CEP192: variants seen among roughly 807,000 people sequenced by gnomAD.
CEP192 encodes the protein centrosomal protein 192, also known as centrosomal protein of 192 kDa.
A neutral mutation model predicts 271.8 loss-of-function variants in CEP192; 151 were observed. The observed-to-expected ratio is 0.56, with a 90% CI of 0.49 to 0.64. The LOEUF is 0.64. CEP192 is among the 30% of genes least tolerant of loss of function. The probability of loss-of-function intolerance (pLI) is 0.00; values close to 1 mark genes in which losing one functional copy is unlikely to be tolerated. For synonymous variants in CEP192, 995 were observed against 1,076.5 expected (o/e 0.92, Z 1.48); for missense variants, 2,910 against 3,020.5 (o/e 0.96, Z 0.86).
intron 15 of CEP192, among the ~76,000 whole-genome samples, chr18:13,044,243 A>G (rs1652610702): frequency 6.6e-6 from 1 of 152,150 alleles, no homozygotes; most frequent in Admixed American, 6.5e-5. Flanking sequence ...TAGTTTTGTC[A>G]TCTGAGAATA....
Position 12,999,535 on chromosome 18 carries a change from C to G in CEP192, c.111C>G (p.Gly37=). The change falls in exon 2 of 45, where the codon GGC becomes GGG. Residue 37 remains glycine, a synonymous_variant. Coordinates refer to ENST00000506447, the MANE Select transcript of CEP192 (RefSeq NM_032142.4). ...ATGTCACTCTTTCTTCAAATCTTGG[C>G]TTGCCTGTTGCTGTTTCTACACTTG... ...LENVTLSSNL[G]LPVAVSTLAR... The G allele has an allele frequency of 3.2e-6, 5 of 1,550,924 alleles. No individual in the cohort carries two copies. Among genetic ancestry groups the G allele is most frequent in the Non-Finnish European group, 4.4e-6 (5 of 1,146,740 alleles).
intron 15 of CEP192, among the ~76,000 whole-genome samples, chr18:13,042,543 T>A (rs1003708815): frequency 3.9e-5 from 6 of 152,224 alleles, no homozygotes; most frequent in Non-Finnish European, 8.8e-5. Context: ...AACAGATTTG[T>A]AGTCAATGAA....
chr18:13,110,992 G>A (rs562345275), intron 40 of CEP192, among the ~76,000 whole-genome samples: 2 of 152,162 alleles, frequency 1.3e-5, no homozygotes, highest in Non-Finnish European at 2.9e-5. Context: ...ATTAGGGTGG[G>A]CCTTCCTCTC....
chr18:13,087,873 G>C (rs1197249022), intron 32 of CEP192, among the ~76,000 whole-genome samples: 1 of 152,106 alleles, frequency 6.6e-6, no homozygotes. Flanking sequence ...TTCTTTTCTA[G>C]GTGAATGTAT....
chr18:13,026,803 T>C (rs931153561), intron 9 of CEP192, among the ~76,000 whole-genome samples: 5 of 152,230 alleles, frequency 3.3e-5, no homozygotes, highest in African/African-American at 9.6e-5. Flanking sequence ...GCTGTATCCA[T>C]TAGAGCCCTT....
intron 30 of CEP192, among the ~76,000 whole-genome samples, chr18:13,074,153 G>A (rs2038153435): frequency 6.6e-6 from 1 of 152,048 alleles, no homozygotes; most frequent in Non-Finnish European, 1.5e-5. Context: ...CTATATCCTA[G>A]TGTTAAAGAG....
In CEP192 at chr18:13,042,095, CAA is replaced by C. The variant is rs1722241180; in HGVS notation, c.1937-107_1937-106del. On this transcript the variant is annotated intron_variant, in intron 14 of 44. Coordinates refer to ENST00000506447, the MANE Select transcript of CEP192 (RefSeq NM_032142.4). ...GTGAAGGCAACTGACATTTGGGGTA[CAA>C]AGACATCTTCCTTGGTAAATTAGTC... 9.7e-6 allele frequency: 8 copies of C among 828,922 alleles called. No individual in the cohort carries two copies. In the South Asian group the frequency reaches 1.4e-4, roughly 14 times the overall value. 51.3% of individuals were successfully genotyped at this position (828,922 alleles called of 1,614,324 possible). A position where few individuals can be genotyped will look rare whatever the true frequency, so the allele number is the denominator to read the frequency against.
intron 28 of CEP192, 108 bp from the exon 29 acceptor site, chr18:13,072,647 A>G (rs1175486888): frequency 2.7e-6 from 2 of 732,332 alleles, no homozygotes; most frequent in Non-Finnish European, 4.8e-6. Context: ...TGGCTTGTAT[A>G]GTTAGTCCAT....
intron 30 of CEP192, among the ~76,000 whole-genome samples, chr18:13,080,702 C>T (rs1021093813): frequency 2.6e-5 from 4 of 152,216 alleles, no homozygotes; most frequent in African/African-American, 9.6e-5. Flanking sequence ...GAGAGGGCAT[C>T]CCTGTCTTGT....
At chr18:13,019,392 G>T (rs182182159) in intron 9 of CEP192, among the ~76,000 whole-genome samples, 186 bp downstream of exon 9, 6 of 152,070 alleles carry the variant, frequency 3.9e-5, no homozygotes, top group Admixed American at 3.9e-4. Context: ...ACATTTTCTT[G>T]CATTTAAATA....
chr18:13,032,276 G>A (rs2035673447), intron 11 of CEP192, among the ~76,000 whole-genome samples: 2 of 152,210 alleles, frequency 1.3e-5, no homozygotes, highest in Non-Finnish European at 2.9e-5. Context: ...TAGAGAGGCA[G>A]GAAGAGAGGA....
chr18:13,100,256 A>T, intron 37 of CEP192, 49 bp from the exon 38 acceptor site: 1 of 1,304,790 alleles, frequency 7.7e-7, no homozygotes, highest in Non-Finnish European at 1.1e-6. Flanking sequence ...TGTTTCGTTT[A>T]AAGTGATAGA....
At chr18:13,119,408 C>T (rs997673551) in intron 44 of CEP192, among the ~76,000 whole-genome samples, 3 of 152,112 alleles carry the variant, frequency 2.0e-5, no homozygotes, top group Non-Finnish European at 4.4e-5. Flanking sequence ...ATTGGAGGGA[C>T]TTTAGATTTT....
rs751588002 is a variant in CEP192 at position 13,049,886 on chromosome 18, A to G, written c.3012A>G (p.Ser1004=). Residue 1004 remains serine (S), a synonymous_variant, in exon 17 of 45, where the codon TCA becomes TCG. Transcript: ENST00000506447. Reference sequence around the variant, plus strand: ...CTAGTGAAATTTCTGGAACGAGTTCATCAGGGTAAGTGTGTACCTTCTTTT... The same window carrying G: ...CTAGTGAAATTTCTGGAACGAGTTCGTCAGGGTAAGTGTGTACCTTCTTTT... ...SSPSEISGTS[S]SGCALESFGS... is the part of the protein sequence containing the mutation. 4 of 1,613,906 alleles carry G rather than the reference A, an allele frequency of 2.5e-6. No individual in the cohort carries two copies. The South Asian group carries it at 4.4e-5, about 18-fold the overall frequency.
chr18:13,061,547 C>T (rs1384355110), intron 21 of CEP192, among the ~76,000 whole-genome samples: 1 of 152,128 alleles, frequency 6.6e-6, no homozygotes, highest in Non-Finnish European at 1.5e-5. Flanking sequence ...TGGAAATGTT[C>T]TTTATAAAGT....
chr18:13,062,007 T>C (rs577310093), intron 21 of CEP192, among the ~76,000 whole-genome samples: 8 of 152,198 alleles, frequency 5.3e-5, no homozygotes, highest in Non-Finnish European at 1.2e-4. Flanking sequence ...ATAAATCACA[T>C]TTATGCAATA....
chr18:12,996,125 C>T (rs1035528507), intron 1 of CEP192, among the ~76,000 whole-genome samples: 3 of 149,402 alleles, frequency 2.0e-5, no homozygotes, highest in Non-Finnish European at 4.4e-5. Flanking sequence ...CTAGGGGAGG[C>T]AGAGAGGAGG....
At chr18:13,082,432 C>CTTTTT (rs57663388) in intron 30 of CEP192, among the ~76,000 whole-genome samples, 58 of 49,942 alleles carry the variant, frequency 1.2e-3, no homozygotes, top group Non-Finnish European at 1.3e-3. Context: ...GCAACCCCTG[C>CTTTTT]TTTTTTTTTT....
chr18:13,102,809 C>T (rs1006357649), intron 38 of CEP192, among the ~76,000 whole-genome samples: 2 of 152,178 alleles, frequency 1.3e-5, no homozygotes, highest in South Asian at 2.1e-4. Flanking sequence ...TTCTCCTGCG[C>T]GATGATGGCC....
Sources: allele counts gnomAD v4.1 joint callset (sites outside exome capture counted in the v4.1 genomes callset), GRCh38; gene constraint gnomAD v4.1.1; transcripts MANE v1.5; gene names NCBI Gene and HGNC (gene_info 2026-07-23, HGNC 2026-07-21).